The following PAMR1 variants were observed in gnomAD, a reference collection of about 807,000 sequenced individuals.
PAMR1 encodes peptidase domain containing associated with muscle regeneration 1, also known as inactive serine protease PAMR1.
In PAMR1, 88 loss-of-function variants were observed where a neutral mutation model predicts 81.8. That is an observed-to-expected ratio of 1.08 (90% CI 0.91 to 1.28). The LOEUF (loss-of-function observed/expected upper bound fraction) is 1.28, where lower values mean the gene tolerates loss of function less well. PAMR1 is among the 50% of genes most tolerant of loss of function. The probability of loss-of-function intolerance (pLI) is 0.00; values close to 1 mark genes in which losing one functional copy is unlikely to be tolerated. For synonymous variants in PAMR1, 336 were observed against 345.3 expected (o/e 0.97, Z 0.30); for missense variants, 935 against 919.7 (o/e 1.02, Z -0.21).
rs115853652 is a variant in PAMR1 at position 35,439,027 on chromosome 11, G to A, written c.1100+600C>T. ...TGATAGAGGAAAATCAAGGAGGCCC[G>A]TGTAGCTGAGTGGAGAGAGTGAGGA... On this transcript the variant is annotated intron_variant, in intron 8 of 10. Coordinates refer to ENST00000619888, the MANE Select transcript of PAMR1 (RefSeq NM_001001991.3). 3.1e-3 allele frequency among the ~76,000 whole-genome samples: 472 copies of A among 152,262 alleles called. 1 individual carries two copies. Among genetic ancestry groups the A allele is most frequent in the African/African-American group, 0.011 (454 of 41,560 alleles).
chr11:35,461,439 C>A (rs768789525), intron 6 of PAMR1, among the ~76,000 whole-genome samples: 1 of 152,078 alleles, frequency 6.6e-6, no homozygotes, highest in Non-Finnish European at 1.5e-5. Flanking sequence ...GCAAAATACA[C>A]CCCTTATGTC....
rs773557640 is a variant in PAMR1, at chr11:35,474,666, G to C, written c.458C>G (p.Thr153Ser). 6.2e-7 allele frequency: 1 copy of C among 1,609,240 alleles called. No individual in the cohort carries two copies. Among genetic ancestry groups the C allele is most frequent in the Non-Finnish European group, 8.5e-7 (1 of 1,177,936 alleles). Reference protein sequence around the residue: ...SYPLNAHCEWTIHAKPGFVIQ... With the variant: ...SYPLNAHCEWSIHAKPGFVIQ... The stretch of plus-strand genomic sequence containing the variant: ...GACAAACCCAGGTTTAGCATGAATG[G>C]TCCATTCACAGTGAGCATTTAGGGG... The change falls in exon 4 of 11, where the codon ACC (threonine) becomes AGC (serine). Residue 153 changes from threonine (T) to serine (S), a missense_variant. Transcript: ENST00000619888.
chr11:35,447,534 G>T (rs1590324746), intron 6 of PAMR1, among the ~76,000 whole-genome samples: 2 of 152,008 alleles, frequency 1.3e-5, no homozygotes, highest in East Asian at 1.9e-4. Flanking sequence ...AGCCTTTCTG[G>T]GTCTTTGCAT....
intron 1 of PAMR1, among the ~76,000 whole-genome samples, chr11:35,511,086 G>A (rs1341639582): frequency 6.6e-6 from 1 of 152,240 alleles, no homozygotes; most frequent in Non-Finnish European, 1.5e-5. Context: ...ACTGGCACAG[G>A]TTCAGCTTTC....
chr11:35,484,944 A>G (rs148137531), intron 3 of PAMR1, among the ~76,000 whole-genome samples: 1 of 152,332 alleles, frequency 6.6e-6, no homozygotes, highest in East Asian at 1.9e-4. Flanking sequence ...TCAGAACGCA[A>G]CTTTTGAGTT....
chr11:35,441,386 C>T (rs1051898526), intron 7 of PAMR1, 95 bp downstream of exon 7: 14 of 830,542 alleles, frequency 1.7e-5, no homozygotes, highest in South Asian at 1.5e-4. Flanking sequence ...AAGAGAAAGG[C>T]ATTTTTCCAG....
chr11:35,474,823 T>C, intron 3 of PAMR1, 79 bp from the exon 4 acceptor site: 1 of 869,818 alleles, frequency 1.1e-6, no homozygotes, highest in East Asian at 2.5e-5. Context: ...AACGAGACTT[T>C]GAGCACATGC....
At chr11:35,437,562 ACT>A (rs1856078383) in intron 8 of PAMR1, among the ~76,000 whole-genome samples, 1 of 152,196 alleles carries the variant, frequency 6.6e-6, no homozygotes, top group Non-Finnish European at 1.5e-5. Flanking sequence ...GAAGGTCTAC[ACT>A]GTCGTTGGGG....
chr11:35,479,973 G>C (rs1388657715), intron 3 of PAMR1, among the ~76,000 whole-genome samples: 1 of 152,120 alleles, frequency 6.6e-6, no homozygotes, highest in Non-Finnish European at 1.5e-5. Flanking sequence ...TGTTCATCAG[G>C]AACAATGACA....
At chr11:35,461,081 C>G (rs557266980) in intron 6 of PAMR1, among the ~76,000 whole-genome samples, 1 of 152,300 alleles carries the variant, frequency 6.6e-6, no homozygotes, top group South Asian at 2.1e-4. Flanking sequence ...GAGCACCCTT[C>G]TCTTTCAACC....
intron 6 of PAMR1, among the ~76,000 whole-genome samples, chr11:35,446,590 A>T (rs1005929570): frequency 4.6e-5 from 7 of 152,148 alleles, no homozygotes; most frequent in Non-Finnish European, 8.8e-5. Context: ...TAATTTCATT[A>T]TTTACCCAGG....
At chr11:35,488,889 G>A (rs1850564384) in intron 3 of PAMR1, among the ~76,000 whole-genome samples, 1 of 151,830 alleles carries the variant, frequency 6.6e-6, no homozygotes. Context: ...ATATGAAACT[G>A]CTATTGCTCA....
In PAMR1 at chr11:35,473,904, TTTCA is replaced by T. The variant is rs2135381868; in HGVS notation, c.494+722_494+725del. ...GTGAGTGAGGAAAGCGGGAGGTGTT[TTTCA>T]TTAGAGAGAAGATACACTGCAATCA... On this transcript the variant is annotated intron_variant, in intron 4 of 10. Coordinates refer to ENST00000619888, the MANE Select transcript of PAMR1 (RefSeq NM_001001991.3). 1.3e-5 allele frequency among the ~76,000 whole-genome samples: 2 copies of T among 152,304 alleles called. 1 individual carries two copies. The highest frequency in any genetic ancestry group is 4.8e-5 in the African/African-American group (2 of 41,552).
intron 1 of PAMR1, among the ~76,000 whole-genome samples, chr11:35,501,300 T>A (rs984675279): frequency 6.6e-6 from 1 of 151,758 alleles, no homozygotes; most frequent in African/African-American, 2.4e-5. Context: ...CCAGCTAATT[T>A]TTGTATTATT....
intron 6 of PAMR1, among the ~76,000 whole-genome samples, chr11:35,451,092 T>C (rs1856409293): frequency 6.6e-6 from 1 of 152,260 alleles, no homozygotes; most frequent in African/African-American, 2.4e-5. Flanking sequence ...AAATCCTTTC[T>C]ATTGTTGGCT....
At chr11:35,436,291 G>T (rs1202199067) in intron 8 of PAMR1, 156 bp from the exon 9 acceptor site, 6 of 602,442 alleles carry the variant, frequency 1.0e-5, no homozygotes, top group Non-Finnish European at 1.8e-5. Context: ...CTGTCTGTCT[G>T]CCTTTTGAGG....
At chr11:35,495,592 A>C (rs1850713126) in intron 1 of PAMR1, among the ~76,000 whole-genome samples, 1 of 152,210 alleles carries the variant, frequency 6.6e-6, no homozygotes, top group African/African-American at 2.4e-5. Flanking sequence ...TATTTGAGGA[A>C]GTGAATCCGG....
intron 3 of PAMR1, among the ~76,000 whole-genome samples, chr11:35,490,372 G>A (rs909342758): frequency 6.6e-6 from 1 of 152,174 alleles, no homozygotes; most frequent in African/African-American, 2.4e-5. Context: ...CAGAGAAAGA[G>A]CACTCTTCCA....
intron 2 of PAMR1, 57 bp downstream of exon 2, chr11:35,494,039 C>T: frequency 1.4e-6 from 2 of 1,398,118 alleles, no homozygotes; most frequent in South Asian, 1.2e-5. Context: ...CAGCCTGTTC[C>T]TGTTCATTAC....
Sources: allele counts gnomAD v4.1 joint callset (sites outside exome capture counted in the v4.1 genomes callset), GRCh38; gene constraint gnomAD v4.1.1; transcripts MANE v1.5; gene names NCBI Gene and HGNC (gene_info 2026-07-23, HGNC 2026-07-21).